Variants in AKAP9 observed in about 807,000 individuals in gnomAD.
The protein encoded by AKAP9 is A-kinase anchoring protein 9.
In AKAP9, 311 loss-of-function variants were observed where a neutral mutation model predicts 488.5. That is an observed-to-expected ratio of 0.64 (90% confidence interval 0.58 to 0.70). The LOEUF (loss-of-function observed/expected upper bound fraction) is 0.70, where lower values mean the gene tolerates loss of function less well. Ranked by LOEUF, AKAP9 falls within the 30% of genes least tolerant of loss-of-function variation. AKAP9 has a pLI of 0.00. For synonymous variants in AKAP9, 1,462 were observed against 1,483.5 expected, an observed-to-expected ratio of 0.99 and a Z score of 0.33; for missense variants, 4,215 against 4,374.5, an observed-to-expected ratio of 0.96 and a Z score of 1.03.
At chr7:92,029,840 A>C in intron 14 of AKAP9, 55 bp from the exon 15 acceptor site, 1 of 1,429,062 alleles carries the variant, frequency 7.0e-7, no homozygotes. Flanking sequence ...ATTTTGCATG[A>C]ACACTAAAGC....
At chr7:91,971,212 C>T (rs183779922) in intron 1 of AKAP9, among the ~76,000 whole-genome samples, 338 of 152,050 alleles carry the variant, frequency 2.2e-3, no homozygotes, top group Non-Finnish European at 3.4e-3. Flanking sequence ...TTAAATAGCC[C>T]GTCTTTGAGC....
At chr7:92,093,054 AG>A (rs1376924140) in intron 38 of AKAP9, 42 bp from the exon 39 acceptor site, 1 of 1,499,806 alleles carries the variant, frequency 6.7e-7, no homozygotes, top group Non-Finnish European at 9.3e-7. Flanking sequence ...ACCAAATATG[AG>A]TTGCTTGATT....
At chr7:92,089,327 G>A (rs1815132261) in intron 37 of AKAP9, 58 bp from the exon 38 acceptor site, 3 of 1,586,538 alleles carry the variant, frequency 1.9e-6, no homozygotes, top group East Asian at 2.2e-5. Flanking sequence ...TTTCTTGGTT[G>A]TTAATTGTAT....
chr7:92,005,543 A>G (rs530149888), intron 8 of AKAP9, among the ~76,000 whole-genome samples: 3 of 152,272 alleles, frequency 2.0e-5, no homozygotes, highest in East Asian at 3.9e-4. Context: ...TAAATATATC[A>G]TATTTATGAT....
intron 12 of AKAP9, among the ~76,000 whole-genome samples, chr7:92,019,819 C>A (rs1438004595): frequency 6.6e-6 from 1 of 151,588 alleles, no homozygotes; most frequent in Non-Finnish European, 1.5e-5. Context: ...ACCAGCCTGG[C>A]CAACATGGTG....
intron 8 of AKAP9, 26 bp downstream of exon 8, chr7:92,003,261 A>G (rs1799391067): frequency 2.0e-6 from 3 of 1,509,614 alleles, no homozygotes; most frequent in African/African-American, 1.4e-5. Flanking sequence ...CATATATGGT[A>G]AAGCACAATG....
intron 16 of AKAP9, among the ~76,000 whole-genome samples, 163 bp downstream of exon 16, chr7:92,031,767 T>C (rs571787351): frequency 1.3e-5 from 2 of 152,308 alleles, no homozygotes; most frequent in East Asian, 3.9e-4. Context: ...AAACAAAATA[T>C]CTTGTGAATT....
Position 92,095,017 on chromosome 7 carries a change from A to C in AKAP9, c.9579-6A>C. 1 of 1,613,504 alleles carries C rather than the reference A, an allele frequency of 6.2e-7. No individual in the cohort carries two copies. Among genetic ancestry groups the C allele is most frequent in the Non-Finnish European group, 8.5e-7 (1 of 1,179,506 alleles). On this transcript the variant is annotated splice_region_variant and splice_polypyrimidine_tract_variant and intron_variant, in intron 39 of 49. Coordinates refer to ENST00000356239, the MANE Select transcript of AKAP9 (RefSeq NM_005751.5). ...TTATGGAAATTCATTTGTCTTTCTG[A>C]CTTAGGTTGGAAGTTAAAGATAAGA...
intron 3 of AKAP9, among the ~76,000 whole-genome samples, chr7:91,985,510 G>A (rs1454326348): frequency 6.6e-6 from 1 of 152,080 alleles, no homozygotes; most frequent in East Asian, 1.9e-4. Flanking sequence ...GCTGTATTTG[G>A]TTTGCCAGTA....
In AKAP9 at chr7:92,097,661, G is replaced by T; in HGVS notation, c.10474G>T (p.Glu3492Ter). 6.2e-7 allele frequency: 1 copy of T among 1,614,116 alleles called. No homozygotes were observed. The highest frequency in any genetic ancestry group is 1.1e-5 in the South Asian group (1 of 91,084). Residue 3492 changes from glutamate to a stop codon, truncating the protein, a stop_gained, in exon 42 of 50, where the codon GAA (glutamate) becomes TAA (stop). Coordinates refer to ENST00000356239, the MANE Select transcript of AKAP9 (RefSeq NM_005751.5). LOFTEE classifies it high-confidence loss of function. ...ACAGAAAATAGAAGGAGAAACAAAA[G>T]AATCAAACTACGCTAAATTGATTGA... is the stretch of plus-strand genomic sequence containing the variant. ...LQQKIEGETK[E>*]SNYAKLIEMN... is the part of the protein sequence containing the mutation.
rs1291423950 is a variant in AKAP9, at chr7:92,110,660, C to T, written c.*501C>T. 1.5e-5 allele frequency: 3 copies of T among 196,830 alleles called. No homozygotes were observed. Among genetic ancestry groups the T allele is most frequent in the African/African-American group, 7.0e-5 (3 of 43,068 alleles). The allele number at this position is 196,830 out of a possible 1,614,324, so 12.2% of individuals were successfully genotyped here. On this transcript the variant is annotated 3_prime_UTR_variant, in exon 50 of 50. Transcript: ENST00000356239. The stretch of plus-strand genomic sequence containing the variant: ...AAGTACTGAAATAAAAATGACTTCA[C>T]CATTTTCACCACACTGTATTTGAAC...
chr7:91,982,562 G>A (rs1796570865), intron 3 of AKAP9, among the ~76,000 whole-genome samples: 1 of 152,122 alleles, frequency 6.6e-6, no homozygotes, highest in African/African-American at 2.4e-5. Context: ...TGATATGTAT[G>A]TGCCACATTT....
intron 26 of AKAP9, 51 bp from the exon 27 acceptor site, chr7:92,069,979 T>C: frequency 6.5e-7 from 1 of 1,540,654 alleles, no homozygotes; most frequent in Non-Finnish European, 8.9e-7. Context: ...CTATACTAAC[T>C]AGCTTGCTGA....
At chr7:92,046,094 A>G (rs999228709) in intron 21 of AKAP9, among the ~76,000 whole-genome samples, 1 of 152,122 alleles carries the variant, frequency 6.6e-6, no homozygotes. Context: ...TTGGCCTCCC[A>G]AAGTGCTAGG....
At position 92,001,635 on chromosome 7, in the gene AKAP9, C is replaced by G. The variant is rs1009919389; in HGVS notation, c.1718C>G (p.Ala573Gly). Reference sequence around the variant, plus strand: ...CTTAGTACAGTGGAAGATTTGAAAGCTGAGATTGTTTCTGCATCTGAATCC... The same window carrying G: ...CTTAGTACAGTGGAAGATTTGAAAGGTGAGATTGTTTCTGCATCTGAATCC... ...KSLSTVEDLK[A>G]EIVSASESRK... Residue 573 changes from alanine to glycine, a missense_variant, in exon 8 of 50, where the codon GCT becomes GGT. Ala to Gly is a moderately conservative substitution (Grantham distance 60, BLOSUM62 0). Transcript: ENST00000356239. 19 of 1,613,244 alleles carry G rather than the reference C, an allele frequency of 1.2e-5. No individual in the cohort carries two copies. Among genetic ancestry groups the G allele is most frequent in the African/African-American group, 1.3e-5 (1 of 74,888 alleles).
At chr7:92,042,918 G>T in intron 20 of AKAP9, 147 bp downstream of exon 20, 1 of 555,716 alleles carries the variant, frequency 1.8e-6, no homozygotes, top group Non-Finnish European at 3.2e-6. Flanking sequence ...GTCCATGTAT[G>T]TGTAGTATGT....
At chr7:92,014,067 A>G (rs1401664640) in intron 9 of AKAP9, among the ~76,000 whole-genome samples, 182 bp from the exon 10 acceptor site, 1 of 152,218 alleles carries the variant, frequency 6.6e-6, no homozygotes, top group Non-Finnish European at 1.5e-5. Flanking sequence ...TTTTGTGGAT[A>G]GAAATGGAAA....
intron 47 of AKAP9, among the ~76,000 whole-genome samples, chr7:92,106,828 TATC>T (rs1001571461): frequency 1.3e-5 from 2 of 152,218 alleles, no homozygotes; most frequent in Non-Finnish European, 2.9e-5. Context: ...TATTTTGAAA[TATC>T]ATTACACTGA....
At chr7:92,026,435 C>T (rs542387854) in intron 14 of AKAP9, among the ~76,000 whole-genome samples, 3 of 152,186 alleles carry the variant, frequency 2.0e-5, no homozygotes, top group South Asian at 2.1e-4. Context: ...CTCGGGCTCC[C>T]GTGATTCTCC....
Sources: gnomAD v4.1 joint callset for allele counts (sites outside exome capture counted in the v4.1 genomes callset) on GRCh38, gnomAD v4.1.1 for gene constraint, MANE v1.5 for transcripts, NCBI Gene and HGNC (gene_info 2026-07-23, HGNC 2026-07-21) for gene names.